Variants in ZNF512 observed in about 807,000 individuals in gnomAD.
ZNF512 encodes the protein zinc finger protein 512.
Under a neutral mutation model 77.5 loss-of-function variants are expected in ZNF512, and 25 were observed. The observed-to-expected ratio is 0.32, with a 90% CI of 0.23 to 0.45. ZNF512 has a LOEUF of 0.45. ZNF512 is among the 20% of genes least tolerant of loss of function. ZNF512 has a pLI of 1.00. For missense variants in ZNF512, 483 were observed against 692.6 expected (o/e 0.70, Z 3.40); for synonymous variants, 246 against 239.9 (o/e 1.03, Z -0.24).
chr2:27,594,699 C>G (rs1671772095), intron 2 of ZNF512, among the ~76,000 whole-genome samples: 1 of 151,900 alleles, frequency 6.6e-6, no homozygotes, highest in Admixed American at 6.6e-5. Context: ...GGCAGCCAGG[C>G]AGAGACGCTC....
chr2:27,604,879 C>T (rs900581441), intron 9 of ZNF512, among the ~76,000 whole-genome samples: 2 of 152,182 alleles, frequency 1.3e-5, no homozygotes, highest in Admixed American at 1.3e-4. Flanking sequence ...CTCTGGCAAC[C>T]ACTGATTTAT....
chr2:27,600,565 T>C lies in ZNF512; in HGVS notation c.458-126T>C. The C allele has an allele frequency of 9.1e-6, 10 of 1,096,664 alleles. No individual in the cohort carries two copies. In the South Asian group the frequency reaches 1.7e-4, roughly 18 times the overall value. The allele number at this position is 1,096,664 out of a possible 1,614,324, so 67.9% of individuals were successfully genotyped here. On this transcript the variant is annotated intron_variant, in intron 5 of 13. Coordinates refer to ENST00000355467, the MANE Select transcript of ZNF512 (RefSeq NM_032434.4). The stretch of plus-strand genomic sequence containing the variant: ...TTAGAAGTTATACCCAGCAAGAGCC[T>C]CTTCATCGCAGTCTACCAGGAAAAG...
chr2:27,620,487 TTTG>T (rs943273570), intron 13 of ZNF512, among the ~76,000 whole-genome samples: 1 of 152,158 alleles, frequency 6.6e-6, no homozygotes, highest in African/African-American at 2.4e-5. Context: ...TTTTTTGCTT[TTTG>T]TTGTTGTTGT....
intron 2 of ZNF512, among the ~76,000 whole-genome samples, chr2:27,593,314 A>G (rs1671686932): frequency 6.9e-6 from 1 of 145,470 alleles, no homozygotes; most frequent in Non-Finnish European, 1.5e-5. Flanking sequence ...AGGTGGGAGG[A>G]TTGTTTAAGC....
intron 9 of ZNF512, 60 bp downstream of exon 9, chr2:27,603,367 C>T: frequency 6.4e-7 from 1 of 1,562,468 alleles, no homozygotes; most frequent in Admixed American, 1.7e-5. Flanking sequence ...GAGTCCTTAC[C>T]CCTCTATCTT....
At chr2:27,592,303 T>G (rs183215109) in intron 2 of ZNF512, among the ~76,000 whole-genome samples, 123 of 151,798 alleles carry the variant, frequency 8.1e-4, no homozygotes, top group African/African-American at 2.8e-3. Flanking sequence ...GTTTTTTTAT[T>G]TATTTATTTA....
intron 2 of ZNF512, among the ~76,000 whole-genome samples, chr2:27,587,912 T>C (rs1056802945): frequency 6.6e-5 from 10 of 152,078 alleles, no homozygotes; most frequent in African/African-American, 2.4e-4. Flanking sequence ...ACTCCCAACC[T>C]CAGGTGATCT....
chr2:27,617,355 C>T (rs1672926223), intron 12 of ZNF512, 118 bp from the exon 13 acceptor site: 5 of 639,148 alleles, frequency 7.8e-6, no homozygotes, highest in Admixed American at 5.3e-5. Flanking sequence ...GGATCTTTTT[C>T]CTTCTTATCT....
chr2:27,586,796 T>C (rs1463496952), intron 2 of ZNF512, among the ~76,000 whole-genome samples: 1 of 152,238 alleles, frequency 6.6e-6, no homozygotes, highest in African/African-American at 2.4e-5. Context: ...CGGGCACCAC[T>C]GTACAGTGGT....
chr2:27,583,103 A>G lies in ZNF512; in HGVS notation c.-10A>G, dbSNP rs2147994611. On this transcript the variant is annotated 5_prime_UTR_variant, in exon 1 of 14. Coordinates refer to ENST00000355467, the MANE Select transcript of ZNF512 (RefSeq NM_032434.4). The stretch of plus-strand genomic sequence containing the variant: ...CCTTGGGTGAAATTGTTAGGCGTGG[A>G]GAGGGAGTGATGTCTTCCAGACTCG... The G allele has an allele frequency of 8.1e-6, 13 of 1,613,782 alleles. No individual in the cohort carries two copies. Among genetic ancestry groups the G allele is most frequent in the Non-Finnish European group, 1.1e-5 (13 of 1,179,972 alleles).
At chr2:27,615,484 C>T (rs570414456) in intron 11 of ZNF512, among the ~76,000 whole-genome samples, 26 of 152,318 alleles carry the variant, frequency 1.7e-4, no homozygotes, top group South Asian at 1.4e-3. Flanking sequence ...CATAAAAGTG[C>T]GTTCAACTGG....
At position 27,600,833 on chromosome 2, in the gene ZNF512, T is replaced by A; in HGVS notation, c.582+18T>A. 9 of 1,604,684 alleles carry A rather than the reference T, an allele frequency of 5.6e-6. No individual in the cohort carries two copies. Among genetic ancestry groups the A allele is most frequent in the Non-Finnish European group, 6.8e-6 (8 of 1,176,464 alleles). ...GCAAGCAGGTTAGATATTTTGGCGT[T>A]TCATAACTGTTACGATATTTTTACC... On this transcript the variant is annotated intron_variant, in intron 6 of 13. Coordinates refer to ENST00000355467, the MANE Select transcript of ZNF512 (RefSeq NM_032434.4).
intron 12 of ZNF512, 60 bp from the exon 13 acceptor site, chr2:27,617,413 T>A: frequency 3.8e-6 from 3 of 781,800 alleles, no homozygotes; most frequent in East Asian, 2.4e-5. Context: ...TCCCTACACA[T>A]AGCCCAGTTA....
chr2:27,613,448 A>G (rs1672749667), intron 10 of ZNF512, among the ~76,000 whole-genome samples: 1 of 151,826 alleles, frequency 6.6e-6, no homozygotes, highest in Non-Finnish European at 1.5e-5. Context: ...TTGAGCCAAG[A>G]TAGCACCACT....
intron 10 of ZNF512, among the ~76,000 whole-genome samples, chr2:27,612,140 G>T (rs1672692935): frequency 6.6e-6 from 1 of 152,026 alleles, no homozygotes; most frequent in Non-Finnish European, 1.5e-5. Flanking sequence ...TATTCCATGG[G>T]TTATAATCCA....
chr2:27,586,398 T>A (rs979294677), intron 2 of ZNF512, among the ~76,000 whole-genome samples: 4 of 152,004 alleles, frequency 2.6e-5, no homozygotes, highest in African/African-American at 9.7e-5. Flanking sequence ...CCCTGCTAAG[T>A]TTTTGTATTT....
intron 13 of ZNF512, among the ~76,000 whole-genome samples, chr2:27,618,859 C>G (rs1168095680): frequency 6.6e-6 from 1 of 152,150 alleles, no homozygotes; most frequent in Middle Eastern, 3.2e-3. Context: ...AATTTGCATT[C>G]TCTTGGAATA....
At chr2:27,612,952 T>C (rs1204984246) in intron 10 of ZNF512, among the ~76,000 whole-genome samples, 1 of 152,190 alleles carries the variant, frequency 6.6e-6, no homozygotes, top group Admixed American at 6.6e-5. Context: ...GAAACTACCA[T>C]GGTTCTAAAT....
intron 4 of ZNF512, 141 bp downstream of exon 4, chr2:27,599,819 C>T: frequency 8.8e-7 from 1 of 1,141,556 alleles, no homozygotes. Flanking sequence ...TGGCCTCCAT[C>T]CTGCCTCATT....
Sources: allele counts gnomAD v4.1 joint callset (sites outside exome capture counted in the v4.1 genomes callset), GRCh38; gene constraint gnomAD v4.1.1; transcripts MANE v1.5; gene names NCBI Gene and HGNC (gene_info 2026-07-23, HGNC 2026-07-21).